The following FAM135B variants were observed in gnomAD, a reference collection of about 807,000 sequenced individuals.
FAM135B encodes the protein protein FAM135B.
In FAM135B, 43 loss-of-function variants were observed where a neutral mutation model predicts 127.7. The observed-to-expected ratio is 0.34, with a 90% CI of 0.26 to 0.43. FAM135B has a LOEUF of 0.43. Among genes scored for constraint, FAM135B ranks in the 20% least tolerant of loss-of-function variants. FAM135B has a pLI of 1.00. For synonymous variants in FAM135B, 670 were observed against 665.1 expected, an observed-to-expected ratio of 1.01 and a Z score of -0.11; for missense variants, 1,558 against 1,725.6, an observed-to-expected ratio of 0.90 and a Z score of 1.72.
intron 3 of FAM135B, among the ~76,000 whole-genome samples, chr8:138,303,726 C>T (rs918680924): frequency 6.6e-6 from 1 of 152,198 alleles, no homozygotes; most frequent in Non-Finnish European, 1.5e-5. Flanking sequence ...GCTGTGGTGT[C>T]CTGGTGCGTG....
chr8:138,258,909 A>G (rs925275598), intron 4 of FAM135B, among the ~76,000 whole-genome samples: 3 of 152,000 alleles, frequency 2.0e-5, no homozygotes, highest in Non-Finnish European at 4.4e-5. Flanking sequence ...AGGGTCATTT[A>G]TCTCACGACC....
At chr8:138,168,857 C>A (rs193019082) in intron 11 of FAM135B, among the ~76,000 whole-genome samples, 17 of 152,238 alleles carry the variant, frequency 1.1e-4, no homozygotes, top group African/African-American at 4.1e-4. Flanking sequence ...AGGAGCCTTA[C>A]GGAGTCTATG....
intron 1 of FAM135B, among the ~76,000 whole-genome samples, chr8:138,389,217 T>C (rs1167253985): frequency 6.6e-6 from 1 of 152,220 alleles, no homozygotes; most frequent in Non-Finnish European, 1.5e-5. Context: ...TATGGAATGA[T>C]GCAACAGTCA....
chr8:138,365,422 A>C (rs1479132538), intron 2 of FAM135B, among the ~76,000 whole-genome samples: 1 of 152,148 alleles, frequency 6.6e-6, no homozygotes, highest in Non-Finnish European at 1.5e-5. Context: ...ATTTTGTGTA[A>C]GACTGTCAAT....
intron 1 of FAM135B, among the ~76,000 whole-genome samples, chr8:138,407,586 C>A (rs565618429): frequency 1.2e-4 from 19 of 152,208 alleles, no homozygotes; most frequent in African/African-American, 4.6e-4. Flanking sequence ...CAGAACAGAG[C>A]CCTCAGAAAT....
chr8:138,363,493 C>T (rs1830562366), intron 2 of FAM135B, among the ~76,000 whole-genome samples: 1 of 152,110 alleles, frequency 6.6e-6, no homozygotes, highest in Admixed American at 6.5e-5. Context: ...GACTTTTTGT[C>T]AGCATGAGTC....
At chr8:138,174,188 G>C (rs1043367873) in intron 11 of FAM135B, among the ~76,000 whole-genome samples, 1 of 152,058 alleles carries the variant, frequency 6.6e-6, no homozygotes, top group Admixed American at 6.6e-5. Context: ...TGATTTCACT[G>C]TCCACTAAAC....
chr8:138,182,862 A>G (rs940861740), intron 9 of FAM135B, among the ~76,000 whole-genome samples: 2 of 152,206 alleles, frequency 1.3e-5, no homozygotes, highest in Non-Finnish European at 2.9e-5. Flanking sequence ...CCCGTCTCAG[A>G]TTCTCTGAGG....
intron 1 of FAM135B, among the ~76,000 whole-genome samples, chr8:138,379,471 G>A (rs1301638817): frequency 6.6e-6 from 1 of 152,022 alleles, no homozygotes; most frequent in Non-Finnish European, 1.5e-5. Flanking sequence ...TCTGTATGTT[G>A]TGCAATAAAA....
At chr8:138,250,330 G>A (rs1309569102) in intron 6 of FAM135B, among the ~76,000 whole-genome samples, 6 of 152,146 alleles carry the variant, frequency 3.9e-5, no homozygotes, top group African/African-American at 1.4e-4. Flanking sequence ...TCCAGCCTGG[G>A]CAACAAGAGC....
chr8:138,279,681 G>A (rs1468613386), intron 3 of FAM135B, among the ~76,000 whole-genome samples: 7 of 152,052 alleles, frequency 4.6e-5, no homozygotes, highest in South Asian at 2.1e-4. Flanking sequence ...CATATCTTCC[G>A]CCTGTTTATT....
chr8:138,151,720 A>C lies in FAM135B; in HGVS notation c.2755T>G (p.Ser919Ala). 6.2e-7 allele frequency: 1 copy of C among 1,614,146 alleles called. No homozygotes were observed. Among genetic ancestry groups the C allele is most frequent in the Non-Finnish European group, 8.5e-7 (1 of 1,180,034 alleles). ...KDLNVGQQAL[S>A]NSGISEVEGL... ...TCAACCTCTGAGATGCCACTGTTGG[A>C]AAGAGCTTGCTGACCCACATTCAAG... The change falls in exon 13 of 20, where the codon TCC becomes GCC. Residue 919 changes from serine (S) to alanine (A), a missense_variant. Ser to Ala is a moderately conservative substitution (Grantham distance 99, BLOSUM62 1). Around this residue, in one of 5 missense-constraint regions of FAM135B, gnomAD observed 923 missense variants for 865.3 expected, o/e 1.07. Transcript: ENST00000395297.
chr8:138,383,457 G>C (rs1831993754), intron 1 of FAM135B, among the ~76,000 whole-genome samples: 1 of 152,196 alleles, frequency 6.6e-6, no homozygotes, highest in South Asian at 2.1e-4. Flanking sequence ...AGGTTGGTGG[G>C]ATCCCAAGCA....
intron 3 of FAM135B, among the ~76,000 whole-genome samples, chr8:138,293,427 T>C (rs920608871): frequency 1.3e-5 from 2 of 152,168 alleles, no homozygotes; most frequent in African/African-American, 2.4e-5. Context: ...AAAAAGCTTC[T>C]GTACAACAAA....
intron 1 of FAM135B, among the ~76,000 whole-genome samples, chr8:138,407,291 A>C (rs955358847): frequency 4.7e-4 from 72 of 152,126 alleles, no homozygotes; most frequent in Middle Eastern, 3.4e-3. Flanking sequence ...TTCCATGCTC[A>C]TGGGTAGGAA....
chr8:138,372,470 G>A (rs1172918858), intron 1 of FAM135B, among the ~76,000 whole-genome samples: 1 of 152,180 alleles, frequency 6.6e-6, no homozygotes, highest in Non-Finnish European at 1.5e-5. Flanking sequence ...GGAGAGAACA[G>A]CCTATCTCTA....
At chr8:138,137,049 C>A (rs1816722065) in intron 19 of FAM135B, 98 bp downstream of exon 19, 1 of 720,062 alleles carries the variant, frequency 1.4e-6, no homozygotes, top group African/African-American at 1.7e-5. Flanking sequence ...CAGCACTAAA[C>A]CTATAGCCCA....
At chr8:138,492,230 A>T (rs1239348850) in intron 1 of FAM135B, among the ~76,000 whole-genome samples, 6 of 152,022 alleles carry the variant, frequency 3.9e-5, no homozygotes, top group African/African-American at 1.4e-4. Flanking sequence ...AGTATCAACC[A>T]TGACCCCTCC....
intron 2 of FAM135B, among the ~76,000 whole-genome samples, chr8:138,311,473 C>G (rs1826679259): frequency 6.6e-6 from 1 of 152,190 alleles, no homozygotes; most frequent in Non-Finnish European, 1.5e-5. Flanking sequence ...TGTGCAGGTT[C>G]TCCTGATGTC....
Sources: allele counts gnomAD v4.1 joint callset (sites outside exome capture counted in the v4.1 genomes callset), GRCh38; gene constraint gnomAD v4.1.1; regional missense constraint gnomAD v4.1.1; transcripts MANE v1.5; gene names NCBI Gene and HGNC (gene_info 2026-07-23, HGNC 2026-07-21).